ELK3: variants seen among roughly 807,000 people sequenced by gnomAD.
ELK3 encodes the protein ETS domain-containing protein Elk-3.
ELK3 carries 10 observed loss-of-function variants against 28.9 expected under a neutral mutation model. That is an observed-to-expected ratio of 0.35 (90% CI 0.21 to 0.59). The LOEUF is 0.59. Among genes scored for constraint, ELK3 ranks in the 20% least tolerant of loss-of-function variants. The pLI, the probability that ELK3 is intolerant of heterozygous loss-of-function variation, is 0.82. For synonymous variants in ELK3, 272 were observed against 243.5 expected, an observed-to-expected ratio of 1.12 and a Z score of -1.09; for missense variants, 463 against 517.3, an observed-to-expected ratio of 0.90 and a Z score of 1.02.
At chr12:96,246,176 A>G (rs1469709210) in intron 2 of ELK3, among the ~76,000 whole-genome samples, 1 of 152,212 alleles carries the variant, frequency 6.6e-6, no homozygotes, top group Non-Finnish European at 1.5e-5. Context: ...AGGTAAGACA[A>G]TACTGTGTTA....
chr12:96,194,862 C>A (rs1366823664), intron 1 of ELK3, among the ~76,000 whole-genome samples, 157 bp downstream of exon 1: 1 of 52,802 alleles, frequency 1.9e-5, no homozygotes, highest in Admixed American at 2.7e-4. Context: ...TGCGTCCGCG[C>A]GGGAGGGCCG....
intron 1 of ELK3, among the ~76,000 whole-genome samples, chr12:96,197,077 C>T (rs1360019458): frequency 6.6e-6 from 1 of 152,128 alleles, no homozygotes; most frequent in African/African-American, 2.4e-5. Context: ...TACGAGATCT[C>T]ATACATTTTG....
chr12:96,249,337 A>G (rs1951884795), intron 3 of ELK3, among the ~76,000 whole-genome samples: 1 of 152,208 alleles, frequency 6.6e-6, no homozygotes, highest in African/African-American at 2.4e-5. Flanking sequence ...GATTCTGCCC[A>G]GGATTTCATG....
At chr12:96,239,606 C>T (rs563581362) in intron 2 of ELK3, among the ~76,000 whole-genome samples, 3 of 152,340 alleles carry the variant, frequency 2.0e-5, no homozygotes, top group South Asian at 2.1e-4. Context: ...GTTCCTTTCA[C>T]GTAGGGTATC....
chr12:96,224,726 T>C (rs2137015599), intron 2 of ELK3, among the ~76,000 whole-genome samples: 1 of 152,368 alleles, frequency 6.6e-6, no homozygotes, highest in East Asian at 1.9e-4. Flanking sequence ...CCATTTCAGT[T>C]TGAATCTGTT....
intron 4 of ELK3, among the ~76,000 whole-genome samples, chr12:96,263,331 TATAA>T (rs1952007270): frequency 6.6e-6 from 1 of 152,248 alleles, no homozygotes; most frequent in Non-Finnish European, 1.5e-5. Flanking sequence ...CCTTGATTTA[TATAA>T]ATAAAGTGAA....
intron 1 of ELK3, among the ~76,000 whole-genome samples, chr12:96,195,365 C>T (rs1217761962): frequency 6.6e-6 from 1 of 152,166 alleles, no homozygotes; most frequent in Non-Finnish European, 1.5e-5. Context: ...CATTTAAAAG[C>T]CGGTGGTCTC....
At chr12:96,235,629 C>G (rs552726189) in intron 2 of ELK3, among the ~76,000 whole-genome samples, 1 of 152,122 alleles carries the variant, frequency 6.6e-6, no homozygotes, top group African/African-American at 2.4e-5. Context: ...GTTTCCAAGT[C>G]AACTGGTGAC....
chr12:96,236,189 T>A (rs1250643810), intron 2 of ELK3, among the ~76,000 whole-genome samples: 1 of 152,024 alleles, frequency 6.6e-6, no homozygotes, highest in Non-Finnish European at 1.5e-5. Flanking sequence ...CCCTTGAGTG[T>A]TTAAGGAGAG....
At position 96,233,678 on chromosome 12, in the gene ELK3, T is replaced by A. The variant is rs1951759554; in HGVS notation, c.207+9905T>A. On this transcript the variant is annotated intron_variant, in intron 2 of 4. Transcript: ENST00000228741. ...GAAACCTGGCCCTGGTGGAATTCTT[T>A]AATTCCTCCAAAATAAATTTTGCAA... Among the ~76,000 whole-genome samples, 3 of 152,344 alleles carry A rather than the reference T, an allele frequency of 2.0e-5. No homozygotes were observed. The South Asian group carries it at 6.2e-4, about 32-fold the overall frequency.
rs558148918 is a variant in ELK3 at position 96,218,524 on chromosome 12, A to G, written c.-2-5041A>G. Among the ~76,000 whole-genome samples the G allele has an allele frequency of 3.9e-5, 6 of 151,962 alleles. No homozygotes were observed. The South Asian group carries it at 1.0e-3, about 26-fold the overall frequency. ...TTACCTGTTGGGTGCAGTGTTCGCT[A>G]TTTGGGTGGTGGGTATGCTAGAAGC... On this transcript the variant is annotated intron_variant, in intron 1 of 4. Transcript: ENST00000228741.
At chr12:96,250,061 G>A (rs1951891856) in intron 3 of ELK3, among the ~76,000 whole-genome samples, 2 of 152,186 alleles carry the variant, frequency 1.3e-5, no homozygotes. Context: ...CTGGACCCAG[G>A]GCAGGAGAGT....
chr12:96,245,973 T>C (rs1446044391), intron 2 of ELK3, among the ~76,000 whole-genome samples: 3 of 152,100 alleles, frequency 2.0e-5, no homozygotes, highest in Admixed American at 2.0e-4. Context: ...GTCACAGATA[T>C]CCAAAGTAGA....
chr12:96,199,709 T>C (rs1592666694), intron 1 of ELK3, among the ~76,000 whole-genome samples: 1 of 152,210 alleles, frequency 6.6e-6, no homozygotes, highest in Admixed American at 6.5e-5. Flanking sequence ...TTTCAATAAA[T>C]TGTGATTTGG....
chr12:96,201,988 G>A (rs191440497), intron 1 of ELK3, among the ~76,000 whole-genome samples: 106 of 152,300 alleles, frequency 7.0e-4, no homozygotes, highest in Non-Finnish European at 5.1e-4. Context: ...GACTGTCTGA[G>A]TTGGTGCTCT....
chr12:96,196,183 G>C (rs988149574), intron 1 of ELK3, among the ~76,000 whole-genome samples: 1 of 152,230 alleles, frequency 6.6e-6, no homozygotes, highest in Non-Finnish European at 1.5e-5. Context: ...TGCAGCCACT[G>C]TCAGCCTGGG....
At chr12:96,239,012 A>G (rs1019982342) in intron 2 of ELK3, among the ~76,000 whole-genome samples, 3 of 152,208 alleles carry the variant, frequency 2.0e-5, no homozygotes, top group African/African-American at 2.4e-5. Context: ...AATTGGGTTC[A>G]AACTTCGGCT....
intron 4 of ELK3, among the ~76,000 whole-genome samples, chr12:96,263,411 A>C (rs1033414582): frequency 2.0e-5 from 3 of 152,234 alleles, no homozygotes; most frequent in Admixed American, 6.5e-5. Context: ...ATGACTTTTG[A>C]AACAGATTTT....
intron 2 of ELK3, among the ~76,000 whole-genome samples, chr12:96,241,424 G>GTTTT (rs890060851): frequency 9.1e-6 from 1 of 109,352 alleles, no homozygotes; most frequent in African/African-American, 3.1e-5. Context: ...ACAGTGGAGC[G>GTTTT]TTTGTGTGTG....
Sources: allele counts gnomAD v4.1 joint callset (sites outside exome capture counted in the v4.1 genomes callset), GRCh38; gene constraint gnomAD v4.1.1; transcripts MANE v1.5; gene names NCBI Gene and HGNC (gene_info 2026-07-23, HGNC 2026-07-21).